The following AKAP13 variants were observed in gnomAD, a reference collection of about 807,000 sequenced individuals.
AKAP13 encodes the protein A-kinase anchoring protein 13.
In AKAP13, 80 loss-of-function variants were observed where a neutral mutation model predicts 264.5. That is an observed-to-expected ratio of 0.30 (90% CI 0.25 to 0.36). The LOEUF is 0.36. AKAP13 is among the 10% of genes least tolerant of loss of function. AKAP13 has a pLI of 1.00. For synonymous variants in AKAP13, 1,380 were observed against 1,250.2 expected (o/e 1.10, Z -2.19); for missense variants, 3,712 against 3,435.2 (o/e 1.08, Z -2.01).
intron 1 of AKAP13, among the ~76,000 whole-genome samples, chr15:85,437,031 G>A (rs1354662870): frequency 6.1e-5 from 9 of 147,726 alleles, no homozygotes; most frequent in Non-Finnish European, 1.2e-4. Context: ...GAATCCAGGA[G>A]CTGGTTTTTT....
chr15:85,521,790 C>T (rs909654168), intron 3 of AKAP13, among the ~76,000 whole-genome samples: 4 of 152,044 alleles, frequency 2.6e-5, no homozygotes, highest in Admixed American at 1.3e-4. Flanking sequence ...ACTGTTATGT[C>T]GGCCACCTAC....
intron 1 of AKAP13, among the ~76,000 whole-genome samples, chr15:85,472,509 T>G (rs2151025530): frequency 6.6e-6 from 1 of 152,310 alleles, no homozygotes; most frequent in South Asian, 2.1e-4. Flanking sequence ...TTTTGACATT[T>G]TAAAAAATGT....
chr15:85,623,307 A>G (rs1413373050), intron 8 of AKAP13, among the ~76,000 whole-genome samples: 2 of 152,242 alleles, frequency 1.3e-5, no homozygotes, highest in East Asian at 1.9e-4. Context: ...ATTCATAAGC[A>G]TCATGTTATA....
At chr15:85,670,401 T>C (rs542854881) in intron 14 of AKAP13, among the ~76,000 whole-genome samples, 22 of 151,902 alleles carry the variant, frequency 1.4e-4, no homozygotes, top group African/African-American at 5.1e-4. Context: ...CTCTGGCTAC[T>C]GAGTGCTAGC....
chr15:85,736,243 A>T, intron 33 of AKAP13, 109 bp downstream of exon 33: 1 of 858,948 alleles, frequency 1.2e-6, no homozygotes, highest in Non-Finnish European at 1.8e-6. Flanking sequence ...CAAAGAGGCT[A>T]ACTGCTGGCT....
intron 14 of AKAP13, among the ~76,000 whole-genome samples, chr15:85,681,073 C>A (rs922344265): frequency 2.0e-5 from 3 of 152,192 alleles, no homozygotes; most frequent in Non-Finnish European, 2.9e-5. Flanking sequence ...CTGCCTCTGC[C>A]TCCCAAAGTG....
chr15:85,391,035 G>A (rs944505528), intron 1 of AKAP13, among the ~76,000 whole-genome samples: 1 of 152,128 alleles, frequency 6.6e-6, no homozygotes, highest in Non-Finnish European at 1.5e-5. Flanking sequence ...GAGAGTGGGA[G>A]GTTTTAGTGG....
At chr15:85,641,492 ATAAATAAATAAATAAC>A (rs2082308912) in intron 9 of AKAP13, among the ~76,000 whole-genome samples, 1 of 79,884 alleles carries the variant, frequency 1.3e-5, no homozygotes, top group African/African-American at 4.3e-5. Context: ...AAATAAATAA[ATAAATAAATAAATAAC>A]GGAGTCTCGC....
At chr15:85,725,443 T>G (rs974453232) in intron 26 of AKAP13, among the ~76,000 whole-genome samples, 5 of 152,092 alleles carry the variant, frequency 3.3e-5, no homozygotes, top group African/African-American at 7.2e-5. Flanking sequence ...AAAAAAAACT[T>G]TTTCATAACT....
At chr15:85,506,292 C>CA (rs998631784) in intron 2 of AKAP13, among the ~76,000 whole-genome samples, 1 of 151,846 alleles carries the variant, frequency 6.6e-6, no homozygotes, top group Admixed American at 6.6e-5. Context: ...TCAAAAACAA[C>CA]AAAAAAAGAA....
rs1289706012 is a variant in AKAP13, at chr15:85,465,227, C to G, written c.-11-20483C>G. Reference sequence around the variant, plus strand: ...TCAGCCTCCCAAAGTGCTGGGATTACAGGCGTGAGCCACCACGCCCGGCCA... The same window carrying G: ...TCAGCCTCCCAAAGTGCTGGGATTAGAGGCGTGAGCCACCACGCCCGGCCA... On this transcript the variant is annotated intron_variant, in intron 1 of 36. Transcript: ENST00000394518. 3.9e-5 allele frequency among the ~76,000 whole-genome samples: 6 copies of G among 151,948 alleles called. No homozygotes were observed. The South Asian group carries it at 1.2e-3, about 31-fold the overall frequency.
intron 8 of AKAP13, among the ~76,000 whole-genome samples, chr15:85,631,236 G>A (rs72762382): frequency 0.011 from 1,748 of 152,248 alleles, 19 homozygotes; most frequent in Non-Finnish European, 0.018. Context: ...AATTTGTAGA[G>A]ATAGAAATAC....
chr15:85,385,474 C>T (rs1236640775), intron 1 of AKAP13, among the ~76,000 whole-genome samples: 2 of 152,156 alleles, frequency 1.3e-5, no homozygotes, highest in African/African-American at 4.8e-5. Flanking sequence ...CATATATCCA[C>T]TGCTGCAAAC....
intron 8 of AKAP13, chr15:85,620,148 G>A (rs145107310): frequency 2.9e-5 from 45 of 1,536,070 alleles, no homozygotes; most frequent in Non-Finnish European, 3.7e-5. Flanking sequence ...AGGTGGACAG[G>A]ACTGTGGACG....
intron 1 of AKAP13, among the ~76,000 whole-genome samples, chr15:85,434,936 A>G (rs1416945469): frequency 2.2e-4 from 33 of 151,628 alleles, no homozygotes; most frequent in African/African-American, 7.5e-4. Context: ...AAAGGAACGC[A>G]GTTCCTCACC....
At chr15:85,440,329 A>G (rs1438638032) in intron 1 of AKAP13, among the ~76,000 whole-genome samples, 1 of 152,204 alleles carries the variant, frequency 6.6e-6, no homozygotes, top group East Asian at 1.9e-4. Flanking sequence ...TCTGTTTTAT[A>G]GATGAAAACT....
At chr15:85,602,553 C>G (rs2080136069) in intron 8 of AKAP13, among the ~76,000 whole-genome samples, 1 of 152,100 alleles carries the variant, frequency 6.6e-6, no homozygotes, top group South Asian at 2.1e-4. Flanking sequence ...GTGGTGCAGT[C>G]TTGGCTCACT....
At chr15:85,548,344 T>C (rs2077827064) in intron 5 of AKAP13, among the ~76,000 whole-genome samples, 1 of 152,186 alleles carries the variant, frequency 6.6e-6, no homozygotes, top group Non-Finnish European at 1.5e-5. Flanking sequence ...TATGAAAAAT[T>C]AGGGCTTATT....
intron 8 of AKAP13, among the ~76,000 whole-genome samples, chr15:85,628,837 A>G (rs2081557107): frequency 6.6e-6 from 1 of 152,222 alleles, no homozygotes; most frequent in South Asian, 2.1e-4. Context: ...ACACTTTGCC[A>G]AACTTATTCA....
Sources: allele counts gnomAD v4.1 joint callset (sites outside exome capture counted in the v4.1 genomes callset), GRCh38; gene constraint gnomAD v4.1.1; transcripts MANE v1.5; gene names NCBI Gene and HGNC (gene_info 2026-07-23, HGNC 2026-07-21).